The following ABCD3 variants were observed in gnomAD, a reference collection of about 807,000 sequenced individuals.
ABCD3 encodes ATP binding cassette subfamily D member 3.
Under a neutral mutation model 105.5 loss-of-function variants are expected in ABCD3, and 41 were observed. The observed-to-expected ratio is 0.39, with a 90% CI of 0.30 to 0.50. The LOEUF (loss-of-function observed/expected upper bound fraction) is 0.50. Ranked by LOEUF, ABCD3 falls within the 20% of genes least tolerant of loss-of-function variation. The pLI, the probability that ABCD3 is intolerant of heterozygous loss-of-function variation, is 0.84. For missense variants in ABCD3, 622 were observed against 806.3 expected (o/e 0.77, Z 2.77); for synonymous variants, 258 against 269.0 (o/e 0.96, Z 0.40).
chr1:94,444,420 C>T (rs1307236809), intron 1 of ABCD3, among the ~76,000 whole-genome samples: 1 of 151,652 alleles, frequency 6.6e-6, no homozygotes, highest in East Asian at 1.9e-4. Flanking sequence ...CTGCCTTGGC[C>T]TCCTAAAGTG....
chr1:94,505,581 G>A (rs570940380), intron 20 of ABCD3, among the ~76,000 whole-genome samples: 1 of 152,172 alleles, frequency 6.6e-6, no homozygotes, highest in Admixed American at 6.6e-5. Context: ...TTTATAAAAT[G>A]TAAATAGTAT....
At chr1:94,469,282 C>G (rs1292000119) in intron 4 of ABCD3, among the ~76,000 whole-genome samples, 1 of 152,012 alleles carries the variant, frequency 6.6e-6, no homozygotes, top group Non-Finnish European at 1.5e-5. Flanking sequence ...TGAGAATTAG[C>G]TCTTTTACAC....
chr1:94,385,187 A>T, the ABCD3 span, among the ~76,000 whole-genome samples: 24 of 152,274 alleles, frequency 1.6e-4, no homozygotes, highest in African/African-American at 5.3e-4. Flanking sequence ...CCCAGAGTGA[A>T]GAATGGGGCA....
rs150293001 is a variant in ABCD3 at position 94,513,179 on chromosome 1, G to T, written c.1846-1967G>T. On this transcript the variant is annotated intron_variant, in intron 21 of 22. Coordinates refer to ENST00000370214, the MANE Select transcript of ABCD3 (RefSeq NM_002858.4). ...TATTTTCTATTCTTGAATTTGCTTT[G>T]GTAATATATAATTATACATTTGTTC... Among the ~76,000 whole-genome samples, 552 of 151,924 alleles carry T rather than the reference G, an allele frequency of 3.6e-3. 1 individual carries two copies. Among genetic ancestry groups the T allele is most frequent in the African/African-American group, 0.013 (527 of 41,480 alleles).
At chr1:94,444,772 T>G (rs1660284845) in intron 1 of ABCD3, among the ~76,000 whole-genome samples, 1 of 152,244 alleles carries the variant, frequency 6.6e-6, no homozygotes, top group Admixed American at 6.5e-5. Context: ...CTAGGTTCAC[T>G]TGTAAGACTG....
At chr1:94,400,154 C>T in the ABCD3 span, among the ~76,000 whole-genome samples, 4 of 152,080 alleles carry the variant, frequency 2.6e-5, no homozygotes, top group Non-Finnish European at 4.4e-5. Flanking sequence ...CTGCCTGTAA[C>T]CCCAGCACTT....
chr1:94,471,717 ATATC>A (rs1294460542), intron 4 of ABCD3, among the ~76,000 whole-genome samples: 6 of 152,220 alleles, frequency 3.9e-5, no homozygotes, highest in African/African-American at 1.2e-4. Flanking sequence ...AAGTTAACAT[ATATC>A]TCCATCTCAG....
In ABCD3 at chr1:94,448,471, C is replaced by T. The variant is rs191066272; in HGVS notation, c.111-10136C>T. Among the ~76,000 whole-genome samples the T allele has an allele frequency of 5.3e-4, 80 of 152,300 alleles. No homozygotes were observed. In the East Asian group the frequency reaches 6.9e-3, roughly 13 times the overall value. On this transcript the variant is annotated intron_variant, in intron 1 of 22. Transcript: ENST00000370214. Reference sequence around the variant, plus strand: ...ATGTTTTTACAGATGGGTCTAGTAACGGTAAAGCTTCTTATTTTGGATCAA... The same window carrying T: ...ATGTTTTTACAGATGGGTCTAGTAATGGTAAAGCTTCTTATTTTGGATCAA...
the ABCD3 span, among the ~76,000 whole-genome samples, chr1:94,400,401 C>T: frequency 6.8e-6 from 1 of 147,764 alleles, no homozygotes; most frequent in Admixed American, 6.7e-5. Flanking sequence ...GAGACTCTGT[C>T]TCGAAAAAAA....
In ABCD3 at chr1:94,455,847, A is replaced by G. The variant is rs781398275; in HGVS notation, c.111-2760A>G. 5.4e-5 allele frequency: 68 copies of G among 1,265,306 alleles called. No homozygotes were observed. The South Asian group carries it at 8.9e-4, about 17-fold the overall frequency. The allele number at this position is 1,265,306 out of a possible 1,614,324, so 78.4% of individuals were successfully genotyped here. A position where few individuals can be genotyped will look rare whatever the true frequency, so the allele number is the denominator to read the frequency against. ...TGTGTATATATATATTTTTGTGAGCATCGTACTGCATGAATCTCCATTTAT... is the reference window on the plus strand; with the variant it reads ...TGTGTATATATATATTTTTGTGAGCGTCGTACTGCATGAATCTCCATTTAT... On this transcript the variant is annotated intron_variant, in intron 1 of 22. Transcript: ENST00000370214.
chr1:94,430,976 T>G (rs879740337), intron 1 of ABCD3, among the ~76,000 whole-genome samples: 3 of 152,244 alleles, frequency 2.0e-5, no homozygotes, highest in Non-Finnish European at 2.9e-5. Flanking sequence ...AGATGCACTT[T>G]TTTTACATTT....
intron 19 of ABCD3, 103 bp from the exon 20 acceptor site, chr1:94,499,392 A>G (rs1649984093): frequency 5.5e-6 from 7 of 1,274,220 alleles, no homozygotes; most frequent in Non-Finnish European, 7.9e-6. Flanking sequence ...TTTAAGTGGT[A>G]CAGACAATAG....
chr1:94,512,218 C>A (rs1179306238), intron 21 of ABCD3, among the ~76,000 whole-genome samples: 1 of 151,936 alleles, frequency 6.6e-6, no homozygotes, highest in African/African-American at 2.4e-5. Flanking sequence ...ACAGACAGGA[C>A]CCTCACTACT....
At chr1:94,395,491 T>C in the ABCD3 span, among the ~76,000 whole-genome samples, 1 of 152,284 alleles carries the variant, frequency 6.6e-6, no homozygotes, top group South Asian at 2.1e-4. Flanking sequence ...GGCATAGGAA[T>C]GCATAAATTA....
intron 7 of ABCD3, among the ~76,000 whole-genome samples, chr1:94,476,767 C>A (rs1043709044): frequency 2.0e-5 from 3 of 152,146 alleles, no homozygotes; most frequent in Admixed American, 1.3e-4. Flanking sequence ...ATTTATTTAG[C>A]TCTCCAGAAG....
At chr1:94,458,579 G>C (rs762095721) in intron 1 of ABCD3, 28 bp from the exon 2 acceptor site, 12 of 1,595,560 alleles carry the variant, frequency 7.5e-6, no homozygotes, top group Non-Finnish European at 6.0e-6. Flanking sequence ...ATAAAGTAAA[G>C]CTCTCTCTCT....
At chr1:94,478,697 A>C (rs1648886936) in intron 8 of ABCD3, 3 of 957,750 alleles carry the variant, frequency 3.1e-6, no homozygotes, top group Non-Finnish European at 4.4e-6. Flanking sequence ...AAAAATAATA[A>C]TAAAACAGAA....
intron 3 of ABCD3, among the ~76,000 whole-genome samples, chr1:94,465,888 C>T (rs958753740): frequency 6.6e-6 from 1 of 152,114 alleles, no homozygotes; most frequent in Non-Finnish European, 1.5e-5. Flanking sequence ...TCAGCTCTTC[C>T]TCTTCCCCTT....
At chr1:94,455,231 T>C (rs1490934391) in intron 1 of ABCD3, among the ~76,000 whole-genome samples, 1 of 152,210 alleles carries the variant, frequency 6.6e-6, no homozygotes, top group East Asian at 1.9e-4. Flanking sequence ...ATTAAAAATA[T>C]CTTTTATAGT....
Sources: allele counts gnomAD v4.1 joint callset (sites outside exome capture counted in the v4.1 genomes callset), GRCh38; gene constraint gnomAD v4.1.1; transcripts MANE v1.5; gene names NCBI Gene and HGNC (gene_info 2026-07-23, HGNC 2026-07-21).